The following DDAH1 variants were observed in gnomAD, a reference collection of about 807,000 sequenced individuals.
The protein encoded by DDAH1 is dimethylarginine dimethylaminohydrolase 1.
In DDAH1, 19 loss-of-function variants were observed where a neutral mutation model predicts 28.8. The ratio of observed to expected loss-of-function variants is 0.66; its 90% confidence interval spans 0.46 to 0.97. The LOEUF is 0.97. DDAH1 is among the 50% of genes least tolerant of loss of function. DDAH1 has a pLI of 0.00. For synonymous variants in DDAH1, 153 were observed against 154.4 expected, an observed-to-expected ratio of 0.99 and a Z score of 0.07; for missense variants, 326 against 375.9, an observed-to-expected ratio of 0.87 and a Z score of 1.10.
At chr1:85,528,008 A>G (rs1171296644) in intron 1 of DDAH1, among the ~76,000 whole-genome samples, 1 of 152,092 alleles carries the variant, frequency 6.6e-6, no homozygotes, top group African/African-American at 2.4e-5. Context: ...GTTTTAACAA[A>G]TGTTATTTAG....
chr1:85,386,169 C>T (rs1651245497), intron 1 of DDAH1, among the ~76,000 whole-genome samples: 1 of 152,174 alleles, frequency 6.6e-6, no homozygotes, highest in Non-Finnish European at 1.5e-5. Context: ...TTTCATATTG[C>T]AAAATGCAAT....
chr1:85,340,640 G>A (rs1413112693), intron 4 of DDAH1, among the ~76,000 whole-genome samples: 1 of 152,168 alleles, frequency 6.6e-6, no homozygotes, highest in South Asian at 2.1e-4. Context: ...TTCATAGACT[G>A]TGCTGTGCAA....
At chr1:85,576,501 T>A (rs964161978) in intron 1 of DDAH1, among the ~76,000 whole-genome samples, 4 of 152,122 alleles carry the variant, frequency 2.6e-5, no homozygotes, top group African/African-American at 9.7e-5. Flanking sequence ...CTTCTGGGGA[T>A]AATGGAATCC....
intron 1 of DDAH1, among the ~76,000 whole-genome samples, chr1:85,511,725 A>G (rs952125695): frequency 7.2e-5 from 11 of 152,220 alleles, no homozygotes; most frequent in Admixed American, 3.3e-4. Flanking sequence ...AAACACCTCT[A>G]TGCAAATAAA....
chr1:85,479,106 A>G (rs1655900230), intron 2 of DDAH1, among the ~76,000 whole-genome samples: 1 of 151,690 alleles, frequency 6.6e-6, no homozygotes, highest in African/African-American at 2.4e-5. Flanking sequence ...GTAGTAGGTG[A>G]AAAGCTTAAA....
chr1:85,366,322 T>C (rs1205481761), intron 1 of DDAH1, among the ~76,000 whole-genome samples: 1 of 152,210 alleles, frequency 6.6e-6, no homozygotes, highest in Non-Finnish European at 1.5e-5. Context: ...TATTGAACTT[T>C]TGTTATAACT....
chr1:85,322,717 A>T (rs547970553), intron 5 of DDAH1, among the ~76,000 whole-genome samples: 10 of 152,330 alleles, frequency 6.6e-5, no homozygotes, highest in African/African-American at 2.2e-4. Flanking sequence ...ATAAGATAAT[A>T]CACCTGGGAT....
chr1:85,398,606 C>T (rs1651923164), intron 1 of DDAH1: 1 of 152,180 alleles, frequency 6.6e-6, no homozygotes, highest in Non-Finnish European at 1.5e-5. Flanking sequence ...ACAGAGAGTT[C>T]ACCAGAATAT....
intron 1 of DDAH1, among the ~76,000 whole-genome samples, chr1:85,537,023 T>TA (rs112332504): frequency 6.7e-6 from 1 of 149,140 alleles, no homozygotes; most frequent in East Asian, 2.0e-4. Flanking sequence ...TATATATATA[T>TA]ACACAGTGGA....
At chr1:85,426,384 A>G (rs1166783135) in intron 1 of DDAH1, among the ~76,000 whole-genome samples, 1 of 152,194 alleles carries the variant, frequency 6.6e-6, no homozygotes, top group African/African-American at 2.4e-5. Context: ...CAGACTAAAT[A>G]TGTCATTATG....
At chr1:85,466,567 A>G (rs1039352433), upstream of DDAH1, among the ~76,000 whole-genome samples, 4 of 152,176 alleles carry the variant, frequency 2.6e-5, no homozygotes, top group African/African-American at 9.7e-5. Flanking sequence ...AGGAGTCTCA[A>G]GGACAGCTCT....
At chr1:85,541,121 A>G (rs1658460111) in intron 1 of DDAH1, among the ~76,000 whole-genome samples, 1 of 152,164 alleles carries the variant, frequency 6.6e-6, no homozygotes, top group African/African-American at 2.4e-5. Flanking sequence ...TGTCACCACT[A>G]TTCAGCCAAG....
At chr1:85,431,410 A>T (rs1018242256) in intron 1 of DDAH1, among the ~76,000 whole-genome samples, 4 of 152,314 alleles carry the variant, frequency 2.6e-5, no homozygotes, top group South Asian at 4.1e-4. Context: ...GGCACCTGAC[A>T]AACACTTCAC....
At chr1:85,469,060 C>T (rs1557666421), upstream of DDAH1, among the ~76,000 whole-genome samples, 1 of 152,226 alleles carries the variant, frequency 6.6e-6, no homozygotes, top group Non-Finnish European at 1.5e-5. Context: ...ATGTGAAAGG[C>T]TTAATGGGTC....
At chr1:85,547,196 G>A (rs891585290) in intron 1 of DDAH1, among the ~76,000 whole-genome samples, 3 of 152,138 alleles carry the variant, frequency 2.0e-5, no homozygotes, top group Non-Finnish European at 2.9e-5. Context: ...ACTTCACTGA[G>A]CCTCAATGTC....
At chr1:85,477,459 T>C (rs1360582480) in intron 2 of DDAH1, among the ~76,000 whole-genome samples, 1 of 152,010 alleles carries the variant, frequency 6.6e-6, no homozygotes, top group African/African-American at 2.4e-5. Flanking sequence ...TTCAGAGAAG[T>C]CACCATTGAA....
chr1:85,410,155 C>T (rs897247306), intron 1 of DDAH1, among the ~76,000 whole-genome samples: 1 of 152,002 alleles, frequency 6.6e-6, no homozygotes, highest in African/African-American at 2.4e-5. Flanking sequence ...CTGCCAAACA[C>T]CTGTAGTCCC....
chr1:85,473,626 G>A (rs1655695387), intron 2 of DDAH1, among the ~76,000 whole-genome samples: 1 of 152,064 alleles, frequency 6.6e-6, no homozygotes, highest in Non-Finnish European at 1.5e-5. Context: ...TGCTTTTGTG[G>A]TATTAACGCA....
At chr1:85,519,088 C>CTTTTTTTT (rs71075842) in intron 1 of DDAH1, among the ~76,000 whole-genome samples, 15 of 69,132 alleles carry the variant, frequency 2.2e-4, no homozygotes, top group African/African-American at 6.3e-4. Context: ...AAAGACGGAT[C>CTTTTTTTT]TTTTTTTTTT....
Sources: allele counts gnomAD v4.1 joint callset (sites outside exome capture counted in the v4.1 genomes callset), GRCh38; gene constraint gnomAD v4.1.1; transcripts MANE v1.5; gene names NCBI Gene and HGNC (gene_info 2026-07-23, HGNC 2026-07-21).